The following ANKS1A variants were observed in gnomAD, a reference collection of about 807,000 sequenced individuals.
ANKS1A encodes the protein ankyrin repeat and sterile alpha motif domain containing 1A.
In ANKS1A, 55 loss-of-function variants were observed where a neutral mutation model predicts 120.3. The ratio of observed to expected loss-of-function variants is 0.46; its 90% confidence interval spans 0.37 to 0.57. ANKS1A has a LOEUF of 0.57. Among genes scored for constraint, ANKS1A ranks in the 20% least tolerant of loss-of-function variants. The pLI is 0.00. For missense variants in ANKS1A, 1,123 were observed against 1,480.3 expected (o/e 0.76, Z 3.96); for synonymous variants, 590 against 604.7 (o/e 0.98, Z 0.36).
chr6:34,922,286 A>T (rs1266035862), intron 1 of ANKS1A, among the ~76,000 whole-genome samples: 1 of 152,182 alleles, frequency 6.6e-6, no homozygotes, highest in Non-Finnish European at 1.5e-5. Context: ...TGAGGAAACT[A>T]AGGTGAGAGA....
intron 3 of ANKS1A, among the ~76,000 whole-genome samples, chr6:34,971,424 G>A (rs555246130): frequency 6.6e-6 from 1 of 152,148 alleles, no homozygotes; most frequent in Non-Finnish European, 1.5e-5. Context: ...ACAACTCCCT[G>A]TCATTTGGGT....
In ANKS1A at chr6:35,057,775, T is replaced by C. The variant is rs116053268; in HGVS notation, c.2078-2372T>C. ...GGAACATCAAGTGTAACGGCCTTATTTCATTGCCTGTTTTTATAAGAAGCA... is the reference window on the plus strand; with the variant it reads ...GGAACATCAAGTGTAACGGCCTTATCTCATTGCCTGTTTTTATAAGAAGCA... On this transcript the variant is annotated intron_variant, in intron 12 of 23. Transcript: ENST00000360359. The surrounding 1 kb of genome is among the most constrained non-coding windows in gnomAD (Gnocchi z 4.1). Among the ~76,000 whole-genome samples the C allele has an allele frequency of 9.9e-3, 1,505 of 152,330 alleles. 28 individuals carry two copies. Among genetic ancestry groups the C allele is most frequent in the African/African-American group, 0.033 (1,384 of 41,568 alleles).
At chr6:35,076,125 A>C (rs1777342308) in intron 13 of ANKS1A, among the ~76,000 whole-genome samples, 1 of 152,210 alleles carries the variant, frequency 6.6e-6, no homozygotes, top group South Asian at 2.1e-4. Context: ...ACAACTTCAT[A>C]GAAAAACTCT....
chr6:35,013,283 C>G (rs1202861115), intron 10 of ANKS1A, among the ~76,000 whole-genome samples: 1 of 152,002 alleles, frequency 6.6e-6, no homozygotes, highest in Admixed American at 6.6e-5. Flanking sequence ...GACTTGGTGT[C>G]TTTATTTTTT....
chr6:34,954,367 G>T (rs1426636290), intron 1 of ANKS1A, among the ~76,000 whole-genome samples: 4 of 152,228 alleles, frequency 2.6e-5, no homozygotes, highest in Non-Finnish European at 5.9e-5. Flanking sequence ...GCGTGTGTGT[G>T]TGTGGTATTG....
intron 1 of ANKS1A, among the ~76,000 whole-genome samples, chr6:34,918,657 C>T (rs1768287566): frequency 6.6e-6 from 1 of 152,142 alleles, no homozygotes; most frequent in Admixed American, 6.5e-5. Context: ...TCAAGATCTC[C>T]TTAAGGATGG....
intron 11 of ANKS1A, among the ~76,000 whole-genome samples, chr6:35,031,367 G>A (rs921002015): frequency 1.3e-5 from 2 of 152,144 alleles, no homozygotes; most frequent in East Asian, 3.8e-4. Flanking sequence ...GCAGCTACAT[G>A]ACTCACTATG....
At chr6:34,927,622 A>C (rs1248912293) in intron 1 of ANKS1A, among the ~76,000 whole-genome samples, 4 of 152,146 alleles carry the variant, frequency 2.6e-5, no homozygotes, top group African/African-American at 9.6e-5. Context: ...CTGATAGTTC[A>C]CCTCATTGGA....
At chr6:34,986,802 G>C (rs1023240555) in intron 8 of ANKS1A, among the ~76,000 whole-genome samples, 1 of 152,270 alleles carries the variant, frequency 6.6e-6, no homozygotes, top group African/African-American at 2.4e-5. Context: ...GCAAGTGCAT[G>C]TGCTGAGCAC....
intron 1 of ANKS1A, among the ~76,000 whole-genome samples, chr6:34,943,316 C>T (rs1395529208): frequency 3.3e-5 from 5 of 152,044 alleles, no homozygotes; most frequent in Admixed American, 1.3e-4. Context: ...CCATATACTT[C>T]TTCTCTCTCC....
At chr6:34,967,200 G>T (rs780087850) in intron 1 of ANKS1A, 39 bp from the exon 2 acceptor site, 1 of 1,600,992 alleles carries the variant, frequency 6.2e-7, no homozygotes, top group South Asian at 1.1e-5. Flanking sequence ...ACTTCGGTCT[G>T]TGAAATCTAT....
chr6:35,027,853 G>A (rs1774706688), intron 11 of ANKS1A, among the ~76,000 whole-genome samples: 1 of 152,162 alleles, frequency 6.6e-6, no homozygotes, highest in South Asian at 2.1e-4. Context: ...AATGTCTGTG[G>A]CCTGTAGCTG....
intron 1 of ANKS1A, among the ~76,000 whole-genome samples, chr6:34,966,398 A>T (rs75458026): frequency 5.9e-5 from 9 of 152,214 alleles, no homozygotes; most frequent in African/African-American, 2.2e-4. Flanking sequence ...GGGAAAAAAA[A>T]TAGGATACTT....
At chr6:35,030,678 TC>T (rs1774865889) in intron 11 of ANKS1A, among the ~76,000 whole-genome samples, 1 of 152,244 alleles carries the variant, frequency 6.6e-6, no homozygotes, top group Admixed American at 6.5e-5. Context: ...CTTTCTCATA[TC>T]CAGCTAAAAT....
In ANKS1A at chr6:35,086,861, C is replaced by A; in HGVS notation, c.3304-91C>A. The A allele has an allele frequency of 7.7e-7, 1 of 1,295,420 alleles. No homozygotes were observed. Among genetic ancestry groups the A allele is most frequent in the South Asian group, 1.2e-5 (1 of 84,514 alleles). 80.2% of individuals were successfully genotyped at this position (1,295,420 alleles called of 1,614,324 possible). A position where few individuals can be genotyped will look rare whatever the true frequency, so the allele number is the denominator to read the frequency against. ...AGGGCTGCCCCTCCCAGCACAGGGG[C>A]CACAGCCTGGCCTGGGGGTGGGAGG... On this transcript the variant is annotated intron_variant, in intron 22 of 23. Transcript: ENST00000360359. This position sits in a 1 kb window ranked among gnomAD's most constrained non-coding sequence, Gnocchi z 5.1.
At chr6:35,092,116 G>A (rs1417651708), downstream of ANKS1A, among the ~76,000 whole-genome samples, 2 of 152,154 alleles carry the variant, frequency 1.3e-5, no homozygotes, top group Non-Finnish European at 2.9e-5. Context: ...GACAGGTGTT[G>A]TCACCTCTAT....
Position 35,082,856 on chromosome 6 carries a change from G to C in ANKS1A, c.2835+40G>C. ...CCCTCCCAGCAGGGCCGGCCTCCCT[G>C]CTCCTTCTCGGCCAGGCACCTGCGG... On this transcript the variant is annotated intron_variant, in intron 18 of 23. Transcript: ENST00000360359. The surrounding 1 kb of genome is among the most constrained non-coding windows in gnomAD (Gnocchi z 4.1). 4 of 1,588,018 alleles carry C rather than the reference G, an allele frequency of 2.5e-6. No homozygotes were observed. Among genetic ancestry groups the C allele is most frequent in the African/African-American group, 1.3e-5 (1 of 74,496 alleles).
the ANKS1A span, among the ~76,000 whole-genome samples, chr6:35,096,842 T>C: frequency 1.3e-5 from 2 of 151,950 alleles, no homozygotes; most frequent in Non-Finnish European, 2.9e-5. Context: ...TTTTAACTGA[T>C]GGGCAAATTA....
chr6:34,963,104 C>T (rs542529877), intron 1 of ANKS1A, among the ~76,000 whole-genome samples: 57 of 152,152 alleles, frequency 3.7e-4, no homozygotes, highest in African/African-American at 9.9e-4. Context: ...ACAGGTGATC[C>T]GCCTGCCTCA....
Sources: gnomAD v4.1 joint callset for allele counts (sites outside exome capture counted in the v4.1 genomes callset) on GRCh38, gnomAD v4.1.1 for gene constraint, Gnocchi (gnomAD v3.1) non-coding constraint, MANE v1.5 for transcripts, NCBI Gene and HGNC (gene_info 2026-07-23, HGNC 2026-07-21) for gene names.